Variants in RHD observed in about 807,000 individuals in gnomAD.
RHD encodes the protein Rh blood group D antigen.
Under a neutral mutation model 45.5 loss-of-function variants are expected in RHD, and 16 were observed. The ratio of observed to expected loss-of-function variants is 0.35; its 90% CI spans 0.24 to 0.53. The LOEUF (loss-of-function observed/expected upper bound fraction) is 0.53, where lower values mean the gene tolerates loss of function less well. Among genes scored for constraint, RHD ranks in the 20% least tolerant of loss-of-function variants. The pLI, the probability that RHD is intolerant of heterozygous loss-of-function variation, is 0.92. For synonymous variants in RHD, 131 were observed against 217.5 expected, an observed-to-expected ratio of 0.60 and a Z score of 3.50; for missense variants, 306 against 532.0, an observed-to-expected ratio of 0.58 and a Z score of 4.18.
At position 25,313,627 on chromosome 1, in the gene RHD, C is replaced by T. The variant is rs867420771; in HGVS notation, c.1074-3373C>T. ...TCCCCTGTAAACAAGAGGCAGAACA[C>T]GTCATGCAGGGCCACACAAAACTGT... On this transcript the variant is annotated intron_variant, in intron 7 of 9. Coordinates refer to ENST00000328664, the MANE Select transcript of RHD (RefSeq NM_016124.6). Among the ~76,000 whole-genome samples, 7 of 131,898 alleles carry T rather than the reference C, an allele frequency of 5.3e-5. 1 individual carries two copies. The highest frequency in any genetic ancestry group is 1.8e-4 in the African/African-American group (7 of 38,656). 86.5% of individuals were successfully genotyped at this position (131,898 alleles called of 152,430 possible).
chr1:25,319,139 T>C (rs1644565876), intron 8 of RHD, among the ~76,000 whole-genome samples: 1 of 131,350 alleles, frequency 7.6e-6, no homozygotes, highest in South Asian at 2.3e-4. Flanking sequence ...CACTATTCAC[T>C]GTTATCACTG....
At chr1:25,319,263 C>T (rs1194351439) in intron 8 of RHD, among the ~76,000 whole-genome samples, 1 of 131,592 alleles carries the variant, frequency 7.6e-6, no homozygotes, top group Admixed American at 7.4e-5. Flanking sequence ...TCATATTGTT[C>T]CTTTAAGAGT....
Position 25,314,612 on chromosome 1 carries a change from T to G in RHD, c.1074-2388T>G, listed in dbSNP as rs572187770. Among the ~76,000 whole-genome samples, 12 of 132,548 alleles carry G rather than the reference T, an allele frequency of 9.1e-5. 1 individual carries two copies. Among genetic ancestry groups the G allele is most frequent in the East Asian group, 3.9e-4 (2 of 5,114 alleles). The allele number at this position is 132,548 out of a possible 152,430, so 87.0% of individuals were successfully genotyped here. ...AGCTTCAAGCAATTCTCATACTTCA[T>G]CCTCCTGAGTAGCTTAGATTACAGG... On this transcript the variant is annotated intron_variant, in intron 7 of 9. Transcript: ENST00000328664.
chr1:25,319,536 G>A (rs1166844677), intron 8 of RHD, among the ~76,000 whole-genome samples: 1 of 132,120 alleles, frequency 7.6e-6, no homozygotes, highest in African/African-American at 2.6e-5. Context: ...TTGAGCTTGG[G>A]AGGCAGAAGT....
Position 25,306,672 on chromosome 1 carries a change from G to C in RHD, c.1016G>C (p.Gly339Ala). 1.5e-6 allele frequency: 2 copies of C among 1,378,664 alleles called. 1 individual carries two copies. The highest frequency in any genetic ancestry group is 2.0e-6 in the Non-Finnish European group (2 of 979,160). 85.4% of individuals were successfully genotyped at this position (1,378,664 alleles called of 1,614,324 possible). Residue 339 changes from glycine (G) to alanine (A), a missense_variant, in exon 7 of 10, where the codon GGA (glycine) becomes GCA (alanine). By Grantham distance (60) the Gly-to-Ala change is moderately conservative. Coordinates refer to ENST00000328664, the MANE Select transcript of RHD (RefSeq NM_016124.6). ...AACTTCAGCTTGCTGGGTCTGCTTG[G>C]AGAGATCATCTACATTGTGCTGCTG... ...GYNFSLLGLL[G>A]EIIYIVLLVL... is the part of the protein sequence containing the mutation.
chr1:25,329,074 T>C lies in RHD; in HGVS notation c.*150T>C. Reference sequence around the variant, plus strand: ...AGTCAGAGAAAATGGAGTTGAATCCTTTCTCTGCCACTCTTTGAGGAGAAT... The same window carrying C: ...AGTCAGAGAAAATGGAGTTGAATCCCTTCTCTGCCACTCTTTGAGGAGAAT... On this transcript the variant is annotated 3_prime_UTR_variant, in exon 10 of 10. Transcript: ENST00000328664. 7.5e-7 allele frequency: 1 copy of C among 1,328,110 alleles called. No individual in the cohort carries two copies. The highest frequency in any genetic ancestry group is 1.1e-6 in the Non-Finnish European group (1 of 938,140). 82.3% of individuals were successfully genotyped at this position (1,328,110 alleles called of 1,614,324 possible). A position where few individuals can be genotyped will look rare whatever the true frequency, so the allele number is the denominator to read the frequency against.
At position 25,305,123 on chromosome 1, in the gene RHD, C is replaced by A. The variant is rs564593496; in HGVS notation, c.940-1473C>A. ...GCCTGGGATGGGTCTGGAAATGCTT[C>A]CTGGAGCAGAGGAAACGGTTGACAG... On this transcript the variant is annotated intron_variant, in intron 6 of 9. Transcript: ENST00000328664. Among the ~76,000 whole-genome samples the A allele has an allele frequency of 9.1e-5, 12 of 132,058 alleles. 1 individual carries two copies. The East Asian group carries it at 2.3e-3, about 26-fold the overall frequency. 86.6% of individuals were successfully genotyped at this position (132,058 alleles called of 152,430 possible). A position where few individuals can be genotyped will look rare whatever the true frequency, so the allele number is the denominator to read the frequency against.
At position 25,310,817 on chromosome 1, in the gene RHD, C is replaced by CA. The variant is rs1249907683; in HGVS notation, c.1073+4094dup. Among the ~76,000 whole-genome samples the CA allele has an allele frequency of 1.5e-5, 2 of 131,476 alleles. 1 individual carries two copies. Among genetic ancestry groups the CA allele is most frequent in the Non-Finnish European group, 3.6e-5 (2 of 55,418 alleles). The allele number at this position is 131,476 out of a possible 152,430, so 86.3% of individuals were successfully genotyped here. On this transcript the variant is annotated intron_variant, in intron 7 of 9. Transcript: ENST00000328664. ...TGAAACGCTGTTTCTACCAAAAATA[C>CA]AAAAAATTAGCTGGGCGTGGTGGCG...
At chr1:25,306,023 G>T (rs1643800769) in intron 6 of RHD, among the ~76,000 whole-genome samples, 3 of 131,710 alleles carry the variant, frequency 2.3e-5, no homozygotes, top group Admixed American at 2.2e-4. Flanking sequence ...GGGGAGGAAG[G>T]ATTACTGAGT....
At chr1:25,277,009 G>A (rs1478981916) in intron 1 of RHD, among the ~76,000 whole-genome samples, 1 of 132,298 alleles carries the variant, frequency 7.6e-6, no homozygotes, top group African/African-American at 2.6e-5. Flanking sequence ...GGAGCTTTCA[G>A]TGAGCTGAGA....
Position 25,300,810 on chromosome 1 carries a change from G to A in RHD, c.487-136G>A, listed in dbSNP as rs116374581. On this transcript the variant is annotated intron_variant, in intron 3 of 9. Transcript: ENST00000328664. ...GGCAGAGCCTGCTGGGTTGGGCTGG[G>A]TAAGCTCTGAACACCAGTCTCATGG... The A allele has an allele frequency of 3.1e-3, 3,180 of 1,021,852 alleles. 459 individuals carry two copies. The African/African-American group carries it at 0.043, about 14-fold the overall frequency. The allele number at this position is 1,021,852 out of a possible 1,614,324, so 63.3% of individuals were successfully genotyped here. A position where few individuals can be genotyped will look rare whatever the true frequency, so the allele number is the denominator to read the frequency against.
At position 25,272,706 on chromosome 1, in the gene RHD, A is replaced by T. The variant is rs774209147; in HGVS notation, c.148+11A>T. ...TGGCATCCTATCAAGGTGAGAGTTC[A>T]TTGGAAAAGTGGTCACAGGAGCAAA... On this transcript the variant is annotated intron_variant, in intron 1 of 9. Coordinates refer to ENST00000328664, the MANE Select transcript of RHD (RefSeq NM_016124.6). 1.0e-5 allele frequency: 14 copies of T among 1,385,692 alleles called. 3 individuals carry two copies. Among genetic ancestry groups the T allele is most frequent in the Non-Finnish European group, 1.4e-5 (14 of 982,962 alleles). 85.8% of individuals were successfully genotyped at this position (1,385,692 alleles called of 1,614,324 possible). A position where few individuals can be genotyped will look rare whatever the true frequency, so the allele number is the denominator to read the frequency against.
In RHD at chr1:25,300,511, CA is replaced by C. The variant is rs59194477; in HGVS notation, c.487-419del. On this transcript the variant is annotated intron_variant, in intron 3 of 9. Coordinates refer to ENST00000328664, the MANE Select transcript of RHD (RefSeq NM_016124.6). ...TGAGCAATGGAGCAAGACTCTGTCT[CA>C]AAAAAAAAAAAAAAAGGCCAGGCGC... Among the ~76,000 whole-genome samples the C allele has an allele frequency of 5.5e-3, 527 of 96,464 alleles. 66 individuals are homozygous for C. In the Middle Eastern group the frequency reaches 0.074, roughly 14 times the overall value. 63.3% of individuals were successfully genotyped at this position (96,464 alleles called of 152,430 possible).
chr1:25,281,895 C>G (rs143355414), intron 1 of RHD, among the ~76,000 whole-genome samples: 2 of 132,524 alleles, frequency 1.5e-5, no homozygotes, highest in East Asian at 3.9e-4. Flanking sequence ...GTGTATGTTT[C>G]AATGGAAGTG....
Position 25,294,106 on chromosome 1 carries a change from T to C in RHD, c.486+3315T>C, listed in dbSNP as rs1020129306. ...CTTCCTTATTGTGAGCTTAATGGCA[T>C]GACAAAGCAGAGGCAAAGAGGCATA... On this transcript the variant is annotated intron_variant, in intron 3 of 9. Coordinates refer to ENST00000328664, the MANE Select transcript of RHD (RefSeq NM_016124.6). The C allele has an allele frequency of 3.0e-6, 2 of 662,064 alleles. 1 individual carries two copies. The allele number at this position is 662,064 out of a possible 1,614,324, so 41.0% of individuals were successfully genotyped here. A position where few individuals can be genotyped will look rare whatever the true frequency, so the allele number is the denominator to read the frequency against.
rs1431595087 is a variant in RHD, at chr1:25,272,905, C to T, written c.148+210C>T. Among the ~76,000 whole-genome samples the T allele has an allele frequency of 1.5e-5, 2 of 131,994 alleles. 1 individual carries two copies. The highest frequency in any genetic ancestry group is 3.6e-5 in the Non-Finnish European group (2 of 55,648). The allele number at this position is 131,994 out of a possible 152,430, so 86.6% of individuals were successfully genotyped here. On this transcript the variant is annotated intron_variant, in intron 1 of 9. Coordinates refer to ENST00000328664, the MANE Select transcript of RHD (RefSeq NM_016124.6). ...CCTGGGCATGCCCTCTTCTGTGAAG[C>T]CTGCCTTGATTTTTCAGCACAGTGA...
chr1:25,296,599 G>A (rs1458954846), intron 3 of RHD, among the ~76,000 whole-genome samples: 2 of 131,034 alleles, frequency 1.5e-5, no homozygotes, highest in Non-Finnish European at 3.6e-5. Context: ...ATCTCATCTC[G>A]AATTGTAATC....
At position 25,293,350 on chromosome 1, in the gene RHD, CT is replaced by C. The variant is rs1278720414; in HGVS notation, c.486+2573del. 4.5e-3 allele frequency among the ~76,000 whole-genome samples: 503 copies of C among 112,008 alleles called. 44 individuals are homozygous for C. Among genetic ancestry groups the C allele is most frequent in the Admixed American group, 3.7e-3 (43 of 11,570 alleles). The allele number at this position is 112,008 out of a possible 152,430, so 73.5% of individuals were successfully genotyped here. On this transcript the variant is annotated intron_variant, in intron 3 of 9. Transcript: ENST00000328664. Reference sequence around the variant, plus strand: ...TTAGGCCGATGCAGGGACAGTTCATCTTTTTTTTTTTTTTATACAACATTTT... The same window carrying C: ...TTAGGCCGATGCAGGGACAGTTCATCTTTTTTTTTTTTTATACAACATTTT...
chr1:25,272,591 T>G lies in RHD; in HGVS notation c.44T>G (p.Leu15Arg). 6.3e-7 allele frequency: 1 copy of G among 1,583,894 alleles called. No individual in the cohort carries two copies. The highest frequency in any genetic ancestry group is 8.6e-7 in the Non-Finnish European group (1 of 1,158,462). ...CGGTCTGTCCGGCGCTGCCTGCCCC[T>G]CTGGGCCCTAACACTGGAAGCAGCT... is the stretch of plus-strand genomic sequence containing the variant. ...YPRSVRRCLP[L>R]WALTLEAALI... is the part of the protein sequence containing the mutation. The change falls in exon 1 of 10, where the codon CTC becomes CGC. Residue 15 changes from leucine (L) to arginine (R), a missense_variant. Physicochemically the swap from Leu to Arg is moderately radical, Grantham distance 102 (BLOSUM62 -2). Coordinates refer to ENST00000328664, the MANE Select transcript of RHD (RefSeq NM_016124.6).
Sources: gnomAD v4.1 joint callset for allele counts (sites outside exome capture counted in the v4.1 genomes callset) on GRCh38, gnomAD v4.1.1 for gene constraint, MANE v1.5 for transcripts, NCBI Gene and HGNC (gene_info 2026-07-23, HGNC 2026-07-21) for gene names.